The following SSBP2 variants were observed in gnomAD, a reference collection of about 807,000 sequenced individuals.
The protein encoded by SSBP2 is single-stranded DNA-binding protein 2.
SSBP2 carries 17 observed loss-of-function variants against 61.8 expected under a neutral mutation model. That is an observed-to-expected ratio of 0.28 (90% CI 0.19 to 0.41). The LOEUF is 0.41. SSBP2 is among the 10% of genes least tolerant of loss of function. The probability of loss-of-function intolerance (pLI) is 1.00; values close to 1 mark genes in which losing one functional copy is unlikely to be tolerated. For missense variants in SSBP2, 310 were observed against 458.7 expected, an observed-to-expected ratio of 0.68 and a Z score of 2.96; for synonymous variants, 139 against 141.3, an observed-to-expected ratio of 0.98 and a Z score of 0.12.
At chr5:81,524,779 A>T (rs923606601) in intron 4 of SSBP2, among the ~76,000 whole-genome samples, 1 of 151,948 alleles carries the variant, frequency 6.6e-6, no homozygotes, top group Non-Finnish European at 1.5e-5. Flanking sequence ...TTCCACAGTT[A>T]AGAGGAGGGA....
intron 4 of SSBP2, among the ~76,000 whole-genome samples, chr5:81,595,340 C>G (rs1416684358): frequency 4.6e-5 from 7 of 152,096 alleles, no homozygotes; most frequent in Admixed American, 3.3e-4. Flanking sequence ...GAAATTGAGG[C>G]AATAATCAAT....
At chr5:81,724,479 A>C (rs1316088006) in intron 1 of SSBP2, among the ~76,000 whole-genome samples, 1 of 152,082 alleles carries the variant, frequency 6.6e-6, no homozygotes, top group Non-Finnish European at 1.5e-5. Flanking sequence ...AAAAACATTG[A>C]TACTAAACAC....
At chr5:81,468,167 T>C (rs138920448) in intron 8 of SSBP2, among the ~76,000 whole-genome samples, 4 of 152,150 alleles carry the variant, frequency 2.6e-5, no homozygotes, top group East Asian at 1.9e-4. Context: ...TTCCACACAA[T>C]AGCCCAAGCT....
chr5:81,480,983 G>A (rs949233505), intron 6 of SSBP2, among the ~76,000 whole-genome samples: 4 of 152,190 alleles, frequency 2.6e-5, no homozygotes, highest in Non-Finnish European at 4.4e-5. Flanking sequence ...TCATCCATGA[G>A]AAGTAACTCC....
At chr5:81,453,532 C>T (rs1763922596) in intron 10 of SSBP2, among the ~76,000 whole-genome samples, 1 of 148,340 alleles carries the variant, frequency 6.7e-6, no homozygotes, top group African/African-American at 2.5e-5. Flanking sequence ...TCTCGGCTCA[C>T]TGCAGGCTCC....
chr5:81,431,046 A>T (rs1762252958), intron 15 of SSBP2, among the ~76,000 whole-genome samples: 1 of 152,184 alleles, frequency 6.6e-6, no homozygotes, highest in Admixed American at 6.5e-5. Context: ...CATCTGAGGG[A>T]CAGCTAAGAT....
At chr5:81,523,181 T>C (rs951110977) in intron 4 of SSBP2, among the ~76,000 whole-genome samples, 1 of 152,042 alleles carries the variant, frequency 6.6e-6, no homozygotes, top group African/African-American at 2.4e-5. Context: ...AAGCAACCAC[T>C]CTTGCCAAAT....
At chr5:81,739,391 A>C (rs1756852639) in intron 1 of SSBP2, among the ~76,000 whole-genome samples, 2 of 152,102 alleles carry the variant, frequency 1.3e-5, no homozygotes, top group Admixed American at 6.5e-5. Context: ...ACTTTGACTA[A>C]TGCTAGCCTT....
chr5:81,688,937 A>C (rs1303725528), intron 1 of SSBP2, among the ~76,000 whole-genome samples: 1 of 152,144 alleles, frequency 6.6e-6, no homozygotes, highest in Admixed American at 6.5e-5. Context: ...GACAGAATTT[A>C]AAATAGCTGT....
At chr5:81,454,295 A>G (rs1286040162) in intron 10 of SSBP2, among the ~76,000 whole-genome samples, 1 of 152,224 alleles carries the variant, frequency 6.6e-6, no homozygotes, top group Non-Finnish European at 1.5e-5. Context: ...ACTAGAGGAA[A>G]GTTCCAGTCA....
At chr5:81,518,311 C>T (rs529557721) in intron 4 of SSBP2, among the ~76,000 whole-genome samples, 11 of 152,102 alleles carry the variant, frequency 7.2e-5, no homozygotes, top group African/African-American at 1.4e-4. Flanking sequence ...TGCTATGGTA[C>T]GAATGTGTCC....
At chr5:81,459,791 A>G (rs1212388092) in intron 10 of SSBP2, among the ~76,000 whole-genome samples, 1 of 152,242 alleles carries the variant, frequency 6.6e-6, no homozygotes, top group Non-Finnish European at 1.5e-5. Context: ...CTAATAGATC[A>G]TAAGAAGTAA....
At chr5:81,497,268 G>A (rs1012103597) in intron 5 of SSBP2, among the ~76,000 whole-genome samples, 1 of 152,058 alleles carries the variant, frequency 6.6e-6, no homozygotes, top group South Asian at 2.1e-4. Context: ...ATTAATTATC[G>A]TCATTATAAC....
intron 1 of SSBP2, among the ~76,000 whole-genome samples, chr5:81,708,292 C>T (rs1034749457): frequency 6.6e-6 from 1 of 152,092 alleles, no homozygotes; most frequent in Non-Finnish European, 1.5e-5. Flanking sequence ...AAGAGTTATG[C>T]ATATAGTACA....
chr5:81,750,013 G>A (rs1757618575), intron 1 of SSBP2, among the ~76,000 whole-genome samples: 2 of 149,330 alleles, frequency 1.3e-5, no homozygotes, highest in Admixed American at 6.6e-5. Flanking sequence ...ACTCCCCTCC[G>A]CGCGCCCCCG....
Position 81,420,264 on chromosome 5 carries a change from A to G in SSBP2, c.*240T>C. ...CTCTTTCCCACACATATACATACAC[A>G]CATAATTATTTGCAGTTCAGTTTAG... On this transcript the variant is annotated 3_prime_UTR_variant, in exon 17 of 17. Coordinates refer to ENST00000320672, the MANE Select transcript of SSBP2 (RefSeq NM_012446.5). 1.8e-6 allele frequency: 1 copy of G among 563,158 alleles called. No homozygotes were observed. Among genetic ancestry groups the G allele is most frequent in the Non-Finnish European group, 3.2e-6 (1 of 315,376 alleles). The allele number at this position is 563,158 out of a possible 1,614,324, so 34.9% of individuals were successfully genotyped here.
chr5:81,665,959 T>C (rs1372707416), intron 1 of SSBP2, among the ~76,000 whole-genome samples: 4 of 152,224 alleles, frequency 2.6e-5, no homozygotes, highest in African/African-American at 9.6e-5. Context: ...GTAAGGAGCA[T>C]TTGGCAGCTT....
intron 1 of SSBP2, among the ~76,000 whole-genome samples, chr5:81,736,821 G>A (rs1215965845): frequency 6.6e-6 from 1 of 152,154 alleles, no homozygotes; most frequent in African/African-American, 2.4e-5. Context: ...CTAAAGAAAA[G>A]TCAGCTAACC....
chr5:81,466,449 A>G (rs1004521582), intron 9 of SSBP2, among the ~76,000 whole-genome samples: 1 of 152,070 alleles, frequency 6.6e-6, no homozygotes, highest in African/African-American at 2.4e-5. Context: ...AGATTATAGT[A>G]TACTACCAGA....
Sources: allele counts gnomAD v4.1 joint callset (sites outside exome capture counted in the v4.1 genomes callset), GRCh38; gene constraint gnomAD v4.1.1; transcripts MANE v1.5; gene names NCBI Gene and HGNC (gene_info 2026-07-23, HGNC 2026-07-21).